Variants in ATP10A observed in about 807,000 individuals in gnomAD.
The protein encoded by ATP10A is phospholipid-transporting ATPase VA.
Under a neutral mutation model 147.8 loss-of-function variants are expected in ATP10A, and 111 were observed. The ratio of observed to expected loss-of-function variants is 0.75; its 90% CI spans 0.64 to 0.88. The LOEUF is 0.88. Among genes scored for constraint, ATP10A ranks in the 40% least tolerant of loss-of-function variants. ATP10A has a pLI of 0.00. For missense variants in ATP10A, 1,927 were observed against 1,959.0 expected (o/e 0.98, Z 0.31); for synonymous variants, 875 against 841.6 (o/e 1.04, Z -0.69).
intron 1 of ATP10A, among the ~76,000 whole-genome samples, chr15:25,813,948 G>A (rs1373477929): frequency 6.6e-6 from 1 of 152,002 alleles, no homozygotes; most frequent in Non-Finnish European, 1.5e-5. Flanking sequence ...TTGGGGGGCG[G>A]TGGGAAACAG....
rs183455202 is a variant in ATP10A at position 25,749,959 on chromosome 15, A to T, written c.655-13818T>A. Reference sequence around the variant, plus strand: ...CTAAGAGAAAAAAGAATCAAAAGAGAGGATTGGTAAGTTGTAAAACAATTT... The same window carrying T: ...CTAAGAGAAAAAAGAATCAAAAGAGTGGATTGGTAAGTTGTAAAACAATTT... On this transcript the variant is annotated intron_variant, in intron 2 of 20. Coordinates refer to ENST00000555815, the MANE Select transcript of ATP10A (RefSeq NM_024490.4). 3.0e-4 allele frequency among the ~76,000 whole-genome samples: 45 copies of T among 152,298 alleles called. No individual in the cohort carries two copies. In the East Asian group the frequency reaches 7.1e-3, roughly 24 times the overall value.
At chr15:25,827,388 T>C (rs1246642324) in intron 1 of ATP10A, among the ~76,000 whole-genome samples, 2 of 152,220 alleles carry the variant, frequency 1.3e-5, no homozygotes, top group Non-Finnish European at 2.9e-5. Context: ...GTAGTTTTTC[T>C]TTGTAACTCT....
chr15:25,683,247 G>A lies in ATP10A; in HGVS notation c.3492+39C>T, dbSNP rs759717478. On this transcript the variant is annotated intron_variant, in intron 17 of 20. Coordinates refer to ENST00000555815, the MANE Select transcript of ATP10A (RefSeq NM_024490.4). The stretch of plus-strand genomic sequence containing the variant: ...TGGAAGAGTGAACGTGGAGGGCAGA[G>A]CTCAGGAGGTGGAAGGCGGAGACTC... 10 of 1,591,274 alleles carry A rather than the reference G, an allele frequency of 6.3e-6. No individual in the cohort carries two copies. In the East Asian group the frequency reaches 2.0e-4, roughly 32 times the overall value.
intron 12 of ATP10A, among the ~76,000 whole-genome samples, chr15:25,706,156 G>A (rs73361200): frequency 0.25 from 38,035 of 152,132 alleles, 5,340 homozygotes; most frequent in East Asian, 0.35. Flanking sequence ...AAAGGCCTAA[G>A]AAGATGACTG....
chr15:25,780,733 A>G (rs1400704053), intron 2 of ATP10A, among the ~76,000 whole-genome samples: 3 of 152,266 alleles, frequency 2.0e-5, no homozygotes, highest in African/African-American at 7.2e-5. Flanking sequence ...TCAGCTGCTC[A>G]TAAATGTTCC....
chr15:25,769,622 G>A (rs1289774244), intron 2 of ATP10A, among the ~76,000 whole-genome samples: 1 of 151,948 alleles, frequency 6.6e-6, no homozygotes, highest in Non-Finnish European at 1.5e-5. Context: ...TTCTGGAACT[G>A]CAGTTTCTAG....
chr15:25,754,124 G>T (rs1353149591), intron 2 of ATP10A, among the ~76,000 whole-genome samples: 2 of 151,872 alleles, frequency 1.3e-5, no homozygotes, highest in Non-Finnish European at 2.9e-5. Context: ...TATTTTGTTT[G>T]TTTGTTTTTG....
At chr15:25,821,439 CTTACAGAAACAACA>C (rs942044776) in intron 1 of ATP10A, among the ~76,000 whole-genome samples, 1 of 151,856 alleles carries the variant, frequency 6.6e-6, no homozygotes, top group Non-Finnish European at 1.5e-5. Context: ...GGCTAGTGAC[CTTACAGAAACAACA>C]TTGAATAGAT....
chr15:25,784,291 C>T (rs1405058769), intron 1 of ATP10A, among the ~76,000 whole-genome samples: 28 of 152,124 alleles, frequency 1.8e-4, no homozygotes, highest in Admixed American at 1.8e-3. Flanking sequence ...GGAGACCGGG[C>T]AGTCCTGGGC....
At chr15:25,684,229 C>T (rs1474523610) in intron 16 of ATP10A, among the ~76,000 whole-genome samples, 1 of 152,216 alleles carries the variant, frequency 6.6e-6, no homozygotes, top group African/African-American at 2.4e-5. Context: ...GGTCAGATCT[C>T]TTCTCACTAT....
intron 1 of ATP10A, among the ~76,000 whole-genome samples, chr15:25,786,615 A>G (rs1175193910): frequency 9.2e-5 from 9 of 98,112 alleles, no homozygotes. Context: ...CATCATTATC[A>G]TCTTTTTTTT....
chr15:25,675,039 C>T (rs577016708), downstream of ATP10A, among the ~76,000 whole-genome samples: 9 of 152,298 alleles, frequency 5.9e-5, no homozygotes, highest in African/African-American at 2.2e-4. Context: ...AAGAGCCGGC[C>T]GAAGTCTGCC....
In ATP10A at chr15:25,713,725, T is replaced by A; in HGVS notation, c.2293A>T (p.Thr765Ser). Residue 765 changes from threonine (T) to serine (S), a missense_variant, in exon 10 of 21, where the codon ACC (threonine) becomes TCC (serine). Transcript: ENST00000555815. ...HPLTDEINVY[T>S]KGADSVVMDL... Reference sequence around the variant, plus strand: ...ATGACCACTGAGTCGGCCCCCTTGGTGTAGACGTTGATCTCATCGGTAAGC... The same window carrying A: ...ATGACCACTGAGTCGGCCCCCTTGGAGTAGACGTTGATCTCATCGGTAAGC... 6.2e-7 allele frequency: 1 copy of A among 1,614,052 alleles called. No individual in the cohort carries two copies. Among genetic ancestry groups the A allele is most frequent in the South Asian group, 1.1e-5 (1 of 91,078 alleles).
intron 2 of ATP10A, among the ~76,000 whole-genome samples, chr15:25,745,553 C>T (rs1211800706): frequency 1.3e-5 from 2 of 152,032 alleles, no homozygotes; most frequent in African/African-American, 4.8e-5. Context: ...AAGACCCCAT[C>T]TCTGCTATAA....
intron 3 of ATP10A, among the ~76,000 whole-genome samples, chr15:25,735,094 C>T (rs926935474): frequency 6.6e-6 from 1 of 152,098 alleles, no homozygotes; most frequent in Non-Finnish European, 1.5e-5. Flanking sequence ...AAAGTCCATC[C>T]CTGCCTCCAA....
downstream of ATP10A, among the ~76,000 whole-genome samples, chr15:25,676,091 C>G (rs553108542): frequency 6.6e-6 from 1 of 152,350 alleles, no homozygotes; most frequent in South Asian, 2.1e-4. Context: ...GACATGGGCT[C>G]TGCAGCAGTG....
intron 7 of ATP10A, among the ~76,000 whole-genome samples, chr15:25,721,001 C>G (rs976185097): frequency 1.3e-5 from 2 of 152,196 alleles, no homozygotes; most frequent in South Asian, 4.1e-4. Context: ...TCCCAGGGCG[C>G]TGCAGCCCCA....
chr15:25,855,939 C>T (rs1269467507), intron 1 of ATP10A, among the ~76,000 whole-genome samples: 3 of 152,106 alleles, frequency 2.0e-5, no homozygotes, highest in Non-Finnish European at 2.9e-5. Flanking sequence ...AAGAATGTGA[C>T]TTAGTGAATA....
At chr15:25,834,743 A>G (rs1451220463) in intron 1 of ATP10A, among the ~76,000 whole-genome samples, 1 of 152,260 alleles carries the variant, frequency 6.6e-6, no homozygotes, top group Non-Finnish European at 1.5e-5. Context: ...ATGGATAAAC[A>G]AGATGTGGTA....
Sources: gnomAD v4.1 joint callset for allele counts (sites outside exome capture counted in the v4.1 genomes callset) on GRCh38, gnomAD v4.1.1 for gene constraint, MANE v1.5 for transcripts, NCBI Gene and HGNC (gene_info 2026-07-23, HGNC 2026-07-21) for gene names.